The following SYK variants were observed in gnomAD, a reference collection of about 807,000 sequenced individuals.
SYK encodes the protein tyrosine-protein kinase SYK.
A neutral mutation model predicts 77.8 loss-of-function variants in SYK; 16 were observed. The ratio of observed to expected loss-of-function variants is 0.21; its 90% CI spans 0.14 to 0.31. The LOEUF is 0.31. Ranked by LOEUF, SYK falls within the 10% of genes least tolerant of loss-of-function variation. The pLI, the probability that SYK is intolerant of heterozygous loss-of-function variation, is 1.00. For synonymous variants in SYK, 312 were observed against 308.7 expected (o/e 1.01, Z -0.11); for missense variants, 529 against 814.4 (o/e 0.65, Z 4.26).
At chr9:90,866,835 T>C (rs569616171) in intron 6 of SYK, among the ~76,000 whole-genome samples, 1 of 152,334 alleles carries the variant, frequency 6.6e-6, no homozygotes, top group East Asian at 1.9e-4. Context: ...TGTCTTGAGC[T>C]TACAACTTAA....
intron 11 of SYK, among the ~76,000 whole-genome samples, chr9:90,880,138 T>C (rs1828093989): frequency 6.6e-6 from 1 of 152,230 alleles, no homozygotes; most frequent in South Asian, 2.1e-4. Flanking sequence ...ATCCTGTGTT[T>C]CATGCCCTGC....
intron 7 of SYK, among the ~76,000 whole-genome samples, chr9:90,870,350 G>A (rs987454927): frequency 1.4e-4 from 21 of 152,066 alleles, no homozygotes; most frequent in African/African-American, 5.1e-4. Context: ...CATTTCAAAG[G>A]CACATCCCCT....
chr9:90,819,109 T>C (rs1445049844), intron 1 of SYK, among the ~76,000 whole-genome samples: 1 of 152,222 alleles, frequency 6.6e-6, no homozygotes, highest in African/African-American at 2.4e-5. Context: ...TGTATTGATT[T>C]TTACAGTAAT....
chr9:90,872,558 G>C (rs1191525054), intron 7 of SYK, among the ~76,000 whole-genome samples: 1 of 152,188 alleles, frequency 6.6e-6, no homozygotes, highest in Non-Finnish European at 1.5e-5. Flanking sequence ...TTTTCCAGAG[G>C]CAGGATAATT....
At chr9:90,834,466 G>C (rs73503988) in intron 1 of SYK, among the ~76,000 whole-genome samples, 2 of 152,168 alleles carry the variant, frequency 1.3e-5, no homozygotes, top group African/African-American at 4.8e-5. Context: ...GGGCCGGGTC[G>C]CCAGCGTTCC....
intron 3 of SYK, among the ~76,000 whole-genome samples, chr9:90,860,070 C>G (rs942505229): frequency 6.6e-6 from 1 of 152,184 alleles, no homozygotes; most frequent in Non-Finnish European, 1.5e-5. Context: ...CTCACTGCAG[C>G]TTTCACCTCC....
Position 90,891,993 on chromosome 9 carries a change from T to A in SYK, c.1835+3366T>A, listed in dbSNP as rs555383858. On this transcript the variant is annotated intron_variant, in intron 13 of 13. Transcript: ENST00000375754. ...GCCAGAGATTACCTCCAACCCCTTT[T>A]TAGTCTTAATGGACTCTTCAGCTGG... 3.3e-5 allele frequency among the ~76,000 whole-genome samples: 5 copies of A among 152,318 alleles called. No individual in the cohort carries two copies. The South Asian group carries it at 1.0e-3, about 32-fold the overall frequency.
At chr9:90,889,620 AG>A (rs1828715308) in intron 13 of SYK, among the ~76,000 whole-genome samples, 1 of 152,156 alleles carries the variant, frequency 6.6e-6, no homozygotes, top group Admixed American at 6.5e-5. Flanking sequence ...GAAACCACCC[AG>A]GGGGCAGCCA....
chr9:90,848,226 G>C (rs1373693119), intron 3 of SYK, among the ~76,000 whole-genome samples: 1 of 152,208 alleles, frequency 6.6e-6, no homozygotes, highest in Non-Finnish European at 1.5e-5. Flanking sequence ...CGTTGGTCCA[G>C]ATTCTTTCAT....
intron 4 of SYK, among the ~76,000 whole-genome samples, chr9:90,863,641 C>T (rs905588829): frequency 4.6e-5 from 7 of 152,110 alleles, no homozygotes; most frequent in African/African-American, 1.4e-4. Flanking sequence ...TTTCTTTTAA[C>T]GATATTGATT....
At chr9:90,801,802 G>C (rs559972805), upstream of SYK, 5 of 152,364 alleles carry the variant, frequency 3.3e-5, no homozygotes, top group South Asian at 1.0e-3. Context: ...AGAGCCGCGG[G>C]CCCGGCGGCT....
At chr9:90,884,803 A>G (rs1181707533) in intron 11 of SYK, among the ~76,000 whole-genome samples, 2 of 75,974 alleles carry the variant, frequency 2.6e-5, no homozygotes, top group Non-Finnish European at 5.2e-5. Flanking sequence ...ATATACACAT[A>G]TGTGTACATA....
chr9:90,850,550 C>T (rs1037345284), intron 3 of SYK, among the ~76,000 whole-genome samples: 2 of 151,904 alleles, frequency 1.3e-5, no homozygotes, highest in African/African-American at 4.8e-5. Context: ...TATTATTTCA[C>T]AGAGGGGGTT....
At chr9:90,804,871 A>G (rs933279354) in intron 1 of SYK, among the ~76,000 whole-genome samples, 3 of 152,282 alleles carry the variant, frequency 2.0e-5, no homozygotes, top group African/African-American at 7.2e-5. Context: ...AGGAAAGTTC[A>G]TTCATTTTGA....
At chr9:90,818,072 C>T (rs950492488) in intron 1 of SYK, among the ~76,000 whole-genome samples, 1 of 152,162 alleles carries the variant, frequency 6.6e-6, no homozygotes, top group Non-Finnish European at 1.5e-5. Context: ...AGCAGCCAGT[C>T]CCCACTAAGG....
At chr9:90,841,605 CGT>C (rs1327075469) in intron 1 of SYK, among the ~76,000 whole-genome samples, 2 of 135,404 alleles carry the variant, frequency 1.5e-5, no homozygotes, top group Admixed American at 7.3e-5. Flanking sequence ...TGGTGTGTTT[CGT>C]GTGTGTTTTG....
Position 90,819,840 on chromosome 9 carries a change from T to C in SYK, c.-42+17947T>C, listed in dbSNP as rs114921829. The stretch of plus-strand genomic sequence containing the variant: ...TCAGCATTAACCCAAAAGTCCACAG[T>C]CCAAGTTTCATCTGAGACAAGGCAA... On this transcript the variant is annotated intron_variant, in intron 1 of 13. Transcript: ENST00000375754. Among the ~76,000 whole-genome samples, 832 of 152,182 alleles carry C rather than the reference T, an allele frequency of 5.5e-3. 7 individuals are homozygous for C. The highest frequency in any genetic ancestry group is 0.019 in the African/African-American group (804 of 41,502).
chr9:90,871,601 A>G (rs1827728662), intron 7 of SYK, among the ~76,000 whole-genome samples: 1 of 152,232 alleles, frequency 6.6e-6, no homozygotes, highest in Non-Finnish European at 1.5e-5. Flanking sequence ...TTTGGGAAAG[A>G]TGAAGCATGG....
At chr9:90,883,974 T>A (rs1031588618) in intron 11 of SYK, among the ~76,000 whole-genome samples, 3 of 152,078 alleles carry the variant, frequency 2.0e-5, no homozygotes, top group Non-Finnish European at 4.4e-5. Flanking sequence ...CTGGCCCACC[T>A]AGCATCCTAT....
Sources: gnomAD v4.1 joint callset for allele counts (sites outside exome capture counted in the v4.1 genomes callset) on GRCh38, gnomAD v4.1.1 for gene constraint, MANE v1.5 for transcripts, NCBI Gene and HGNC (gene_info 2026-07-23, HGNC 2026-07-21) for gene names.